The following MOCOS variants were observed in gnomAD, a reference collection of about 807,000 sequenced individuals.
MOCOS encodes the protein human molybdenum cofactor sulfurase.
MOCOS carries 86 observed loss-of-function variants against 83.6 expected under a neutral mutation model. The observed-to-expected ratio is 1.03, with a 90% confidence interval of 0.86 to 1.23. The LOEUF (loss-of-function observed/expected upper bound fraction) is 1.23. Ranked by LOEUF, MOCOS falls within the 50% of genes most tolerant of loss-of-function variation. The pLI is 0.00. For missense variants in MOCOS, 1,120 were observed against 1,126.9 expected (o/e 0.99, Z 0.09); for synonymous variants, 445 against 434.7 (o/e 1.02, Z -0.29).
chr18:36,245,200 T>C (rs2091598196), intron 9 of MOCOS, among the ~76,000 whole-genome samples: 2 of 152,132 alleles, frequency 1.3e-5, no homozygotes, highest in Non-Finnish European at 2.9e-5. Flanking sequence ...TTTTTTATTG[T>C]GTTATTGTTT....
intron 8 of MOCOS, among the ~76,000 whole-genome samples, chr18:36,216,589 C>G (rs538042973): frequency 5.9e-5 from 9 of 152,180 alleles, no homozygotes; most frequent in African/African-American, 2.2e-4. Context: ...TATAGAATAC[C>G]AACTAATAAA....
intron 11 of MOCOS, among the ~76,000 whole-genome samples, chr18:36,255,821 GGGT>G (rs1328910121): frequency 6.6e-6 from 1 of 151,882 alleles, no homozygotes; most frequent in Non-Finnish European, 1.5e-5. Context: ...CTGGGTGATA[GGGT>G]GCCAGCTATT....
intron 6 of MOCOS, among the ~76,000 whole-genome samples, chr18:36,213,131 C>T (rs181333359): frequency 1.4e-4 from 22 of 152,318 alleles, no homozygotes; most frequent in African/African-American, 4.3e-4. Context: ...TAACACTTCG[C>T]GGGGCCTGCT....
intron 8 of MOCOS, among the ~76,000 whole-genome samples, chr18:36,217,416 C>CT (rs1049025092): frequency 9.2e-5 from 14 of 151,916 alleles, no homozygotes; most frequent in African/African-American, 2.9e-4. Flanking sequence ...AATAATGTTA[C>CT]TTTTTTTTGC....
chr18:36,238,244 C>T (rs534123237), intron 9 of MOCOS, among the ~76,000 whole-genome samples: 29 of 146,546 alleles, frequency 2.0e-4, no homozygotes, highest in African/African-American at 7.1e-4. Flanking sequence ...AATTTTGGAT[C>T]TTTCCTGCTT....
chr18:36,195,169 AC>A, intron 1 of MOCOS, 87 bp from the exon 2 acceptor site: 1 of 1,077,410 alleles, frequency 9.3e-7, no homozygotes, highest in Non-Finnish European at 1.4e-6. Context: ...GCCTGATGTT[AC>A]GTCTGCATGC....
At chr18:36,213,545 C>A in intron 7 of MOCOS, 63 bp downstream of exon 7, 1 of 1,358,732 alleles carries the variant, frequency 7.4e-7, no homozygotes, top group Non-Finnish European at 1.1e-6. Flanking sequence ...CTGTTGCTGC[C>A]TGTGTGTCTG....
chr18:36,272,128 A>G lies in MOCOS; in HGVS notation c.*3443A>G, dbSNP rs1041731373. 2 of 152,170 alleles carry G rather than the reference A, an allele frequency of 1.3e-5. No homozygotes were observed. Among genetic ancestry groups the G allele is most frequent in the Non-Finnish European group, 2.9e-5 (2 of 68,038 alleles). The allele number at this position is 152,170 out of a possible 1,614,324, so 9.4% of individuals were successfully genotyped here. A position where few individuals can be genotyped will look rare whatever the true frequency, so the allele number is the denominator to read the frequency against. ...TTTTTTTGTATGACTTATGATATTC[A>G]TGATAATTAAAACGTTTTGGAACAA... On this transcript the variant is annotated 3_prime_UTR_variant, in exon 15 of 15. Coordinates refer to ENST00000261326, the MANE Select transcript of MOCOS (RefSeq NM_017947.4).
rs772744672 is a variant in MOCOS, at chr18:36,205,229, A to C, written c.1171A>C (p.Asn391His). 4 of 1,613,984 alleles carry C rather than the reference A, an allele frequency of 2.5e-6. No individual in the cohort carries two copies. The highest frequency in any genetic ancestry group is 3.4e-6 in the Non-Finnish European group (4 of 1,180,008). The change falls in exon 6 of 15, where the codon AAT becomes CAT. Residue 391 changes from asparagine (N) to histidine (H), a missense_variant. Physicochemically the swap from Asn to His is moderately conservative, Grantham distance 68. Transcript: ENST00000261326. The stretch of plus-strand genomic sequence containing the variant: ...CCCTGAGGTTCAGGGCCCAATCATC[A>C]ATTTTAATGTGCTGGATGACAAAGG... ...SSPEVQGPII[N>H]FNVLDDKGNI... is the part of the protein sequence containing the mutation.
At chr18:36,229,627 A>T (rs775428402) in intron 9 of MOCOS, among the ~76,000 whole-genome samples, 1 of 152,230 alleles carries the variant, frequency 6.6e-6, no homozygotes, top group Non-Finnish European at 1.5e-5. Flanking sequence ...TTAGACTCCC[A>T]TAATGTATAT....
At chr18:36,204,836 T>TA (rs1398948713) in intron 5 of MOCOS, among the ~76,000 whole-genome samples, 1 of 150,942 alleles carries the variant, frequency 6.6e-6, no homozygotes, top group Admixed American at 6.6e-5. Context: ...CTGCAAAAAA[T>TA]ACAAAAATTA....
At chr18:36,228,766 A>G (rs1169556486) in intron 9 of MOCOS, among the ~76,000 whole-genome samples, 3 of 151,542 alleles carry the variant, frequency 2.0e-5, no homozygotes, top group African/African-American at 7.3e-5. Context: ...AATAATCTGT[A>G]TAACAAACCC....
rs753616165 is a variant in MOCOS, at chr18:36,199,784, T to C, written c.401T>C (p.Val134Ala). The C allele has an allele frequency of 1.7e-5, 27 of 1,613,960 alleles. No homozygotes were observed. In the South Asian group the frequency reaches 2.7e-4, roughly 16 times the overall value. ...LKLVAEAFPW[V>A]SQGPESSGSR... Reference sequence around the variant, plus strand: ...CTGGTGGCAGAGGCCTTTCCATGGGTGTCCCAGGGCCCAGAGAGCAGTGGG... The same window carrying C: ...CTGGTGGCAGAGGCCTTTCCATGGGCGTCCCAGGGCCCAGAGAGCAGTGGG... The change falls in exon 4 of 15, where the codon GTG becomes GCG. Residue 134 changes from valine (V) to alanine (A), a missense_variant. Transcript: ENST00000261326.
intron 9 of MOCOS, among the ~76,000 whole-genome samples, chr18:36,241,205 T>A (rs1598587994): frequency 6.6e-6 from 1 of 152,220 alleles, no homozygotes; most frequent in Non-Finnish European, 1.5e-5. Flanking sequence ...AACTCAAAAG[T>A]CCACAGTCCA....
At chr18:36,223,093 G>T (rs1023406091) in intron 9 of MOCOS, among the ~76,000 whole-genome samples, 2 of 152,040 alleles carry the variant, frequency 1.3e-5, no homozygotes, top group African/African-American at 4.8e-5. Flanking sequence ...TTTTTAGTTG[G>T]ATATAGTCCC....
chr18:36,227,637 C>T (rs2091522839), intron 9 of MOCOS, among the ~76,000 whole-genome samples: 2 of 152,142 alleles, frequency 1.3e-5, no homozygotes, highest in African/African-American at 4.8e-5. Context: ...CTCAGGTGAT[C>T]TGCCTGTCTC....
chr18:36,240,511 T>C (rs1172193311), intron 9 of MOCOS, among the ~76,000 whole-genome samples: 1 of 150,206 alleles, frequency 6.7e-6, no homozygotes, highest in Non-Finnish European at 1.5e-5. Flanking sequence ...TCCAGCTGCG[T>C]GCTGGGAGAA....
chr18:36,194,442 G>C lies in MOCOS; in HGVS notation c.143-815G>C, dbSNP rs13381078. 1.5e-4 allele frequency among the ~76,000 whole-genome samples: 23 copies of C among 152,102 alleles called. 1 individual carries two copies. The highest frequency in any genetic ancestry group is 8.8e-5 in the Non-Finnish European group (6 of 68,028). On this transcript the variant is annotated intron_variant, in intron 1 of 14. Transcript: ENST00000261326. ...AGTGTACAATGTTTATTTTAAAAGCGCATTGATGGATATTTAAGTTGTTTC... is the reference window on the plus strand; with the variant it reads ...AGTGTACAATGTTTATTTTAAAAGCCCATTGATGGATATTTAAGTTGTTTC...
intron 8 of MOCOS, 34 bp from the exon 9 acceptor site, chr18:36,220,021 C>A (rs1419916265): frequency 8.7e-6 from 14 of 1,611,956 alleles, no homozygotes; most frequent in Non-Finnish European, 1.2e-5. Context: ...CTTTGGGGAG[C>A]CCTGGCCTGA....
Sources: gnomAD v4.1 joint callset for allele counts (sites outside exome capture counted in the v4.1 genomes callset) on GRCh38, gnomAD v4.1.1 for gene constraint, MANE v1.5 for transcripts, NCBI Gene and HGNC (gene_info 2026-07-23, HGNC 2026-07-21) for gene names.